Variants in LMAN2 observed in about 807,000 individuals in gnomAD.
LMAN2 encodes the protein vesicular integral-membrane protein VIP36.
Under a neutral mutation model 39.3 loss-of-function variants are expected in LMAN2, and 22 were observed. The ratio of observed to expected loss-of-function variants is 0.56; its 90% CI spans 0.40 to 0.80. LMAN2 has a LOEUF of 0.80. LMAN2 is among the 30% of genes least tolerant of loss of function. The probability of loss-of-function intolerance (pLI) is 0.00; values close to 1 mark genes in which losing one functional copy is unlikely to be tolerated. For synonymous variants in LMAN2, 207 were observed against 207.8 expected (o/e 1.00, Z 0.03); for missense variants, 494 against 505.4 (o/e 0.98, Z 0.22).
intron 7 of LMAN2, among the ~76,000 whole-genome samples, chr5:177,333,015 C>A (rs553867276): frequency 5.3e-5 from 8 of 152,234 alleles, no homozygotes; most frequent in African/African-American, 1.7e-4. Context: ...GCATGCCACC[C>A]TCTTGCCAGC....
Position 177,337,130 on chromosome 5 carries a change from A to C in LMAN2, c.790+6T>G, listed in dbSNP as rs771726847. Reference sequence around the variant, plus strand: ...TGGGAACCAACGCCTGGCCCGGCCCACTCACCAGACAGGTCGCCGGTGCCG... The same window carrying C: ...TGGGAACCAACGCCTGGCCCGGCCCCCTCACCAGACAGGTCGCCGGTGCCG... On this transcript the variant is annotated splice_donor_region_variant and intron_variant, in intron 6 of 7. Transcript: ENST00000303127. The surrounding 1 kb of genome is among the most constrained non-coding windows in gnomAD (Gnocchi z 8.2). 11 of 1,608,894 alleles carry C rather than the reference A, an allele frequency of 6.8e-6. No individual in the cohort carries two copies. Among genetic ancestry groups the C allele is most frequent in the East Asian group, 4.5e-5 (2 of 44,876 alleles).
Position 177,334,273 on chromosome 5 carries a change from T to C in LMAN2, c.910+11A>G. Reference sequence around the variant, plus strand: ...CCCAGGCCCAGGCAGGGCGGGGCTGTGCACACGCACCTTTGGGCGACTTGA... The same window carrying C: ...CCCAGGCCCAGGCAGGGCGGGGCTGCGCACACGCACCTTTGGGCGACTTGA... On this transcript the variant is annotated intron_variant, in intron 7 of 7. Transcript: ENST00000303127. The C allele has an allele frequency of 6.2e-7, 1 of 1,610,080 alleles. No individual in the cohort carries two copies. The highest frequency in any genetic ancestry group is 8.5e-7 in the Non-Finnish European group (1 of 1,179,164).
At chr5:177,334,205 C>T in intron 7 of LMAN2, 79 bp downstream of exon 7, 2 of 1,520,968 alleles carry the variant, frequency 1.3e-6, no homozygotes, top group South Asian at 1.3e-5. Flanking sequence ...GACTGGACCA[C>T]AAGACCCGCC....
At chr5:177,346,300 G>A in intron 2 of LMAN2, 1 of 315,674 alleles carries the variant, frequency 3.2e-6, no homozygotes, top group Non-Finnish European at 6.0e-6. Flanking sequence ...TAACACACGG[G>A]ATCGTTTCCA....
At position 177,344,805 on chromosome 5, in the gene LMAN2, C is replaced by T. The variant is rs931513711; in HGVS notation, c.316-6200G>A. 4.0e-5 allele frequency among the ~76,000 whole-genome samples: 6 copies of T among 151,548 alleles called. No homozygotes were observed. The East Asian group carries it at 1.2e-3, about 30-fold the overall frequency. On this transcript the variant is annotated intron_variant, in intron 2 of 7. Transcript: ENST00000303127. ...CCTGTAGTCCCAGCTACTAGGGAGG[C>T]TGAGGCAGGAAAATCACTTGAACCC...
rs1554092033 is a variant in LMAN2, at chr5:177,345,736, C to CATTG, written c.315+5436_315+5437insCAAT. On this transcript the variant is annotated intron_variant, in intron 2 of 7. Transcript: ENST00000303127. ...GAAGGCTCGCAGCAGCCATGGCATG[C>CATTG]ATTTATTTATTTATTTATTTATTTA... is the stretch of plus-strand genomic sequence containing the variant. 4.4e-5 allele frequency among the ~76,000 whole-genome samples: 6 copies of CATTG among 135,554 alleles called. No individual in the cohort carries two copies. The East Asian group carries it at 1.1e-3, about 24-fold the overall frequency. The allele number at this position is 135,554 out of a possible 152,430, so 88.9% of individuals were successfully genotyped here.
intron 6 of LMAN2, among the ~76,000 whole-genome samples, chr5:177,335,406 G>A (rs576536969): frequency 4.6e-5 from 7 of 152,308 alleles, no homozygotes; most frequent in African/African-American, 7.2e-5. Flanking sequence ...GACATCACCC[G>A]TAAGGTGCCT....
intron 2 of LMAN2, chr5:177,346,354 G>A (rs560843562): frequency 2.0e-4 from 128 of 627,178 alleles, no homozygotes; most frequent in South Asian, 1.3e-3. Flanking sequence ...CAGTCCTTCT[G>A]AGATTAAGCA....
In LMAN2 at chr5:177,351,610, C is replaced by G; in HGVS notation, c.38G>C (p.Gly13Ala). ...AEGWIWRWGW[G>A]RRCLGRPGLL... ...CCCAGGCCTTCCCAGGCACCGCCGG[C>G]CCCAGCCCCAACGCCAAATCCAGCC... Residue 13 changes from glycine (G) to alanine (A), a missense_variant, in exon 1 of 8, where the codon GGC becomes GCC. Transcript: ENST00000303127. The G allele has an allele frequency of 6.2e-7, 1 of 1,604,236 alleles. No homozygotes were observed. The highest frequency in any genetic ancestry group is 8.5e-7 in the Non-Finnish European group (1 of 1,176,884).
chr5:177,337,266 C>G lies in LMAN2; in HGVS notation c.676-16G>C, dbSNP rs753965348. The G allele has an allele frequency of 1.2e-6, 2 of 1,613,598 alleles. No homozygotes were observed. The highest frequency in any genetic ancestry group is 1.7e-5 in the Admixed American group (1 of 60,012). ...CGGTCATCACCTGCAGGGCCCAGCA[C>G]GCTAAGCACCTCGCAGGACAGCAGC... On this transcript the variant is annotated splice_polypyrimidine_tract_variant and intron_variant, in intron 5 of 7. Transcript: ENST00000303127. This position sits in a 1 kb window ranked among gnomAD's most constrained non-coding sequence, Gnocchi z 8.2.
chr5:177,347,489 A>G (rs993671034), intron 2 of LMAN2, among the ~76,000 whole-genome samples: 2 of 152,208 alleles, frequency 1.3e-5, no homozygotes, highest in African/African-American at 4.8e-5. Context: ...GAGGATCTTA[A>G]GCAGGCAAGG....
At position 177,332,133 on chromosome 5, in the gene LMAN2, C is replaced by A. The variant is rs1280896813; in HGVS notation, c.1024G>T (p.Ala342Ser). 1.9e-6 allele frequency: 3 copies of A among 1,613,634 alleles called. No individual in the cohort carries two copies. The highest frequency in any genetic ancestry group is 2.5e-6 in the Non-Finnish European group (3 of 1,179,934). ...LGIVVCAVVGAVVFQKRQERN... is the reference protein window; with the variant it reads ...LGIVVCAVVGSVVFQKRQERN... ...TCCTGCCGCTTCTGGAACACCACGG[C>A]CCCCACCACGGCGCAGACAACGATG... The change falls in exon 8 of 8, where the codon GCC becomes TCC. Residue 342 changes from alanine (A) to serine (S), a missense_variant. Ala to Ser is a moderately conservative substitution (Grantham distance 99). Transcript: ENST00000303127. This position sits in a 1 kb window ranked among gnomAD's most constrained non-coding sequence, Gnocchi z 6.3.
chr5:177,337,503 C>A lies in LMAN2; in HGVS notation c.535G>T (p.Val179Leu). Reference protein sequence around the residue: ...TTERVFPYISVMVNNGSLSYD... With the variant: ...TTERVFPYISLMVNNGSLSYD... ...GACAGGGAGCCATTGTTCACCATCA[C>A]CGAGATGTACGGGAACACGCGCTGG... The change falls in exon 5 of 8, where the codon GTG becomes TTG. Residue 179 changes from valine to leucine, a missense_variant. Physicochemically the swap from Val to Leu is conservative, Grantham distance 32 (BLOSUM62 1). Transcript: ENST00000303127. The surrounding 1 kb of genome is among the most constrained non-coding windows in gnomAD (Gnocchi z 8.2). 6.2e-7 allele frequency: 1 copy of A among 1,614,134 alleles called. No homozygotes were observed. Among genetic ancestry groups the A allele is most frequent in the South Asian group, 1.1e-5 (1 of 91,088 alleles).
In LMAN2 at chr5:177,337,899, C is replaced by A. The variant is rs1033926138; in HGVS notation, c.434-114G>T. On this transcript the variant is annotated intron_variant, in intron 3 of 7. Coordinates refer to ENST00000303127, the MANE Select transcript of LMAN2 (RefSeq NM_006816.3). The surrounding 1 kb of genome is among the most constrained non-coding windows in gnomAD (Gnocchi z 8.2). ...GGGCAAGAGAGCCCAACCCACTGGC[C>A]ATTCACCGAGAGAGAAGGGATCGTG... The A allele has an allele frequency of 2.4e-6, 2 of 831,098 alleles. No homozygotes were observed. Among genetic ancestry groups the A allele is most frequent in the African/African-American group, 1.7e-5 (1 of 58,930 alleles). 51.5% of individuals were successfully genotyped at this position (831,098 alleles called of 1,614,324 possible). A position where few individuals can be genotyped will look rare whatever the true frequency, so the allele number is the denominator to read the frequency against.
chr5:177,350,914 A>G (rs542090196), intron 2 of LMAN2, among the ~76,000 whole-genome samples: 1 of 152,172 alleles, frequency 6.6e-6, no homozygotes, highest in South Asian at 2.1e-4. Flanking sequence ...TTAGCTTCTC[A>G]GTGGGTAAAA....
At chr5:177,348,484 G>C (rs1043309881) in intron 2 of LMAN2, among the ~76,000 whole-genome samples, 21 of 151,838 alleles carry the variant, frequency 1.4e-4, no homozygotes, top group Admixed American at 2.0e-4. Flanking sequence ...GCCAGGAGTC[G>C]GAGACCAGCC....
chr5:177,338,026 T>C (rs983235794), intron 3 of LMAN2, among the ~76,000 whole-genome samples: 5 of 151,876 alleles, frequency 3.3e-5, no homozygotes, highest in African/African-American at 1.2e-4. Flanking sequence ...CTGAGGCAGA[T>C]GTCAGGTGTC....
intron 2 of LMAN2, among the ~76,000 whole-genome samples, chr5:177,340,136 G>A (rs1467089386): frequency 6.6e-6 from 1 of 152,128 alleles, no homozygotes; most frequent in Non-Finnish European, 1.5e-5. Flanking sequence ...AACTTGAAAA[G>A]TCCTACAAAC....
At chr5:177,350,142 C>T (rs1210382265) in intron 2 of LMAN2, among the ~76,000 whole-genome samples, 1 of 151,544 alleles carries the variant, frequency 6.6e-6, no homozygotes, top group Non-Finnish European at 1.5e-5. Flanking sequence ...AGTGTGGAGG[C>T]TCGGGGCAGG....
Sources: gnomAD v4.1 joint callset for allele counts (sites outside exome capture counted in the v4.1 genomes callset) on GRCh38, gnomAD v4.1.1 for gene constraint, Gnocchi (gnomAD v3.1) non-coding constraint, MANE v1.5 for transcripts, NCBI Gene and HGNC (gene_info 2026-07-23, HGNC 2026-07-21) for gene names.